The following CPEB1 variants were observed in gnomAD, a reference collection of about 807,000 sequenced individuals.
The protein encoded by CPEB1 is cytoplasmic polyadenylation element-binding protein 1.
A neutral mutation model predicts 65.8 loss-of-function variants in CPEB1; 7 were observed. The ratio of observed to expected loss-of-function variants is 0.11; its 90% CI spans 0.06 to 0.20. CPEB1 has a LOEUF of 0.20. Among genes scored for constraint, CPEB1 ranks in the 10% least tolerant of loss-of-function variants. The probability of loss-of-function intolerance (pLI) is 1.00; values close to 1 mark genes in which losing one functional copy is unlikely to be tolerated. For missense variants in CPEB1, 551 were observed against 712.2 expected, an observed-to-expected ratio of 0.77 and a Z score of 2.58; for synonymous variants, 262 against 260.0, an observed-to-expected ratio of 1.01 and a Z score of -0.08.
intron 3 of CPEB1, among the ~76,000 whole-genome samples, chr15:82,584,677 CAAA>C (rs11320676): frequency 2.4e-4 from 20 of 83,682 alleles, no homozygotes; most frequent in African/African-American, 2.8e-4. Flanking sequence ...GAGACTCCAT[CAAA>C]AAAAAAAAAA....
At position 82,628,437 on chromosome 15, in the gene CPEB1, G is replaced by A. The variant is rs1408840198; in HGVS notation, c.23C>T (p.Ser8Leu). Residue 8 changes from serine (S) to leucine (L), a missense_variant, in exon 2 of 13, where the codon TCA becomes TTA. Around this residue, in one of 6 missense-constraint regions of CPEB1, gnomAD observed 223 missense variants for 228.6 expected, o/e 0.98. Transcript: ENST00000684509. ...AGTGCCAGACATGGAAGACGATGTT[G>A]AAGTAGCAATGCCAGAAAACATATT... MFSGIAT[S>L]TSSSMSGTGL... 1 of 702,946 alleles carries A rather than the reference G, an allele frequency of 1.4e-6. No individual in the cohort carries two copies. The highest frequency in any genetic ancestry group is 2.0e-5 in the Admixed American group (1 of 50,022). 43.5% of individuals were successfully genotyped at this position (702,946 alleles called of 1,614,324 possible). A position where few individuals can be genotyped will look rare whatever the true frequency, so the allele number is the denominator to read the frequency against.
intron 3 of CPEB1, among the ~76,000 whole-genome samples, chr15:82,591,145 C>G (rs1172258245): frequency 6.6e-6 from 1 of 152,132 alleles, no homozygotes. Flanking sequence ...AGTGTGTAAG[C>G]GTTCCCTTTT....
chr15:82,580,315 G>A (rs1467517250), intron 3 of CPEB1, among the ~76,000 whole-genome samples: 2 of 139,056 alleles, frequency 1.4e-5, no homozygotes, highest in Non-Finnish European at 3.1e-5. Context: ...GCAAGACTCT[G>A]TCTTAAAAAA....
Position 82,611,417 on chromosome 15 carries a change from A to C in CPEB1, c.271+15776T>G, listed in dbSNP as rs535594459. On this transcript the variant is annotated intron_variant, in intron 3 of 12. Coordinates refer to ENST00000684509, the MANE Select transcript of CPEB1 (RefSeq NM_001365242.1). ...AGAAATCACTGAAATAAATTAAAAC[A>C]AAAAAAATCCCCAATTCATGCATTA... 2.2e-4 allele frequency among the ~76,000 whole-genome samples: 33 copies of C among 152,084 alleles called. No individual in the cohort carries two copies. In the South Asian group the frequency reaches 6.2e-3, roughly 29 times the overall value.
chr15:82,545,772 C>G (rs932299652), intron 12 of CPEB1, among the ~76,000 whole-genome samples: 1 of 152,116 alleles, frequency 6.6e-6, no homozygotes, highest in Non-Finnish European at 1.5e-5. Flanking sequence ...TAAAGGAGGA[C>G]GAGGCATCCT....
intron 4 of CPEB1, among the ~76,000 whole-genome samples, chr15:82,570,071 AC>A (rs2039777347): frequency 6.6e-6 from 1 of 152,154 alleles, no homozygotes; most frequent in Non-Finnish European, 1.5e-5. Context: ...CCCTATCTTA[AC>A]CCAGAGATAG....
At chr15:82,580,364 G>T (rs1025212634) in intron 3 of CPEB1, among the ~76,000 whole-genome samples, 1 of 150,762 alleles carries the variant, frequency 6.6e-6, no homozygotes, top group African/African-American at 2.4e-5. Context: ...ATAATGAAAA[G>T]TTTCCCCCTG....
intron 3 of CPEB1, among the ~76,000 whole-genome samples, chr15:82,582,675 T>C (rs1201273830): frequency 1.3e-5 from 2 of 151,362 alleles, no homozygotes; most frequent in Non-Finnish European, 2.9e-5. Flanking sequence ...TAGCAAAGGA[T>C]CCCTTTTCTG....
intron 1 of CPEB1, among the ~76,000 whole-genome samples, chr15:82,638,203 C>G (rs937735489): frequency 2.0e-5 from 3 of 152,128 alleles, no homozygotes; most frequent in Non-Finnish European, 4.4e-5. Context: ...AAATTCCCAA[C>G]AAATGGTAAC....
intron 5 of CPEB1, chr15:82,557,475 C>CTTTTGAAAT: frequency 2.6e-6 from 1 of 383,944 alleles, no homozygotes; most frequent in East Asian, 4.1e-5. Flanking sequence ...CTCACGTTTA[C>CTTTTGAAAT]TTTTGAAATT....
intron 3 of CPEB1, among the ~76,000 whole-genome samples, chr15:82,585,865 C>T (rs1412724972): frequency 6.6e-6 from 1 of 151,838 alleles, no homozygotes; most frequent in African/African-American, 2.4e-5. Flanking sequence ...TGGTACTATT[C>T]AACTTTAAGT....
At chr15:82,632,350 T>C (rs768057941) in intron 1 of CPEB1, among the ~76,000 whole-genome samples, 1 of 152,214 alleles carries the variant, frequency 6.6e-6, no homozygotes, top group Non-Finnish European at 1.5e-5. Context: ...ATATTTTTAG[T>C]AATTCTGTAC....
At chr15:82,622,597 G>C (rs1352156276) in intron 3 of CPEB1, among the ~76,000 whole-genome samples, 2 of 152,170 alleles carry the variant, frequency 1.3e-5, no homozygotes, top group East Asian at 3.9e-4. Flanking sequence ...TCGCCATGTT[G>C]GTCAGGCTGG....
In CPEB1 at chr15:82,562,170, T is replaced by TA. The variant is rs1400732767; in HGVS notation, c.461-4185dup. ...CACTAGCTACTTTTTTTTTTTTTTT[T>TA]AATCTTTAGGACTTCACATCTGTTT... On this transcript the variant is annotated intron_variant, in intron 4 of 12. Coordinates refer to ENST00000684509, the MANE Select transcript of CPEB1 (RefSeq NM_001365242.1). 1.4e-5 allele frequency: 6 copies of TA among 435,818 alleles called. No individual in the cohort carries two copies. In the East Asian group the frequency reaches 2.1e-4, roughly 16 times the overall value. 27.0% of individuals were successfully genotyped at this position (435,818 alleles called of 1,614,324 possible). A position where few individuals can be genotyped will look rare whatever the true frequency, so the allele number is the denominator to read the frequency against.
chr15:82,623,663 G>A (rs1054285178), intron 3 of CPEB1, among the ~76,000 whole-genome samples: 11 of 152,130 alleles, frequency 7.2e-5, no homozygotes, highest in East Asian at 3.9e-4. Context: ...ACAACAGAGC[G>A]GGACTCCGTC....
intron 1 of CPEB1, among the ~76,000 whole-genome samples, chr15:82,643,085 G>A (rs587659159): frequency 1.3e-5 from 2 of 152,190 alleles, no homozygotes; most frequent in East Asian, 3.9e-4. Flanking sequence ...AGCTACTTTA[G>A]TCACCTCACC....
chr15:82,599,983 G>A (rs546111298), intron 3 of CPEB1, among the ~76,000 whole-genome samples: 1 of 152,246 alleles, frequency 6.6e-6, no homozygotes, highest in East Asian at 1.9e-4. Flanking sequence ...TTTAATTACA[G>A]AGTCCCAAAA....
At chr15:82,630,219 G>A (rs907918433) in intron 1 of CPEB1, 4 of 341,322 alleles carry the variant, frequency 1.2e-5, no homozygotes, top group Middle Eastern at 1.4e-3. Context: ...CTACAGGCAC[G>A]TGCCATTGCC....
At chr15:82,568,279 T>C (rs2151032528) in intron 4 of CPEB1, among the ~76,000 whole-genome samples, 1 of 152,304 alleles carries the variant, frequency 6.6e-6, no homozygotes, top group South Asian at 2.1e-4. Context: ...AGTCACTCCA[T>C]GCCCCATTCC....
Sources: gnomAD v4.1 joint callset for allele counts (sites outside exome capture counted in the v4.1 genomes callset) on GRCh38, gnomAD v4.1.1 for gene constraint, gnomAD v4.1.1 regional missense constraint, MANE v1.5 for transcripts, NCBI Gene and HGNC (gene_info 2026-07-23, HGNC 2026-07-21) for gene names.